CCSER1: variants seen among roughly 807,000 people sequenced by gnomAD.
The protein encoded by CCSER1 is coiled-coil serine rich protein 1.
CCSER1 carries 41 observed loss-of-function variants against 82.0 expected under a neutral mutation model. The observed-to-expected ratio is 0.50, with a 90% CI of 0.39 to 0.65. The LOEUF (loss-of-function observed/expected upper bound fraction) is 0.65, where lower values mean the gene tolerates loss of function less well. Ranked by LOEUF, CCSER1 falls within the 30% of genes least tolerant of loss-of-function variation. The pLI is 0.00. For synonymous variants in CCSER1, 414 were observed against 383.9 expected (o/e 1.08, Z -0.92); for missense variants, 1,119 against 1,064.2 (o/e 1.05, Z -0.72).
chr4:90,890,990 A>G (rs182167395), intron 8 of CCSER1, among the ~76,000 whole-genome samples: 15 of 152,264 alleles, frequency 9.9e-5, no homozygotes, highest in African/African-American at 3.6e-4. Context: ...AAGAGACTAT[A>G]GTTACATTAC....
chr4:90,412,526 C>CAA (rs33926523), intron 4 of CCSER1, among the ~76,000 whole-genome samples: 7 of 138,564 alleles, frequency 5.1e-5, no homozygotes, highest in African/African-American at 1.5e-4. Context: ...ATATAAACAT[C>CAA]AAAAAAAAAA....
At chr4:91,572,707 A>G (rs978345069) in intron 10 of CCSER1, among the ~76,000 whole-genome samples, 3 of 151,876 alleles carry the variant, frequency 2.0e-5, no homozygotes, top group Non-Finnish European at 4.4e-5. Context: ...TATATCTGTA[A>G]TCCCAGCATC....
chr4:91,249,169 A>G (rs946075864), intron 10 of CCSER1, among the ~76,000 whole-genome samples: 10 of 152,152 alleles, frequency 6.6e-5, no homozygotes, highest in Non-Finnish European at 1.2e-4. Flanking sequence ...TTCGGGGTGT[A>G]GTTTTATATT....
intron 5 of CCSER1, among the ~76,000 whole-genome samples, chr4:90,593,325 T>C (rs1393214192): frequency 6.6e-6 from 1 of 152,044 alleles, no homozygotes; most frequent in Non-Finnish European, 1.5e-5. Context: ...TCTTGACGTC[T>C]TGAACAAAGA....
At chr4:91,556,026 A>G (rs1350634713) in intron 10 of CCSER1, among the ~76,000 whole-genome samples, 2 of 151,368 alleles carry the variant, frequency 1.3e-5, no homozygotes, top group African/African-American at 4.8e-5. Flanking sequence ...ATGATGATAA[A>G]TACTGGTAAA....
rs530533355 is a variant in CCSER1, at chr4:90,912,959, A to T, written c.2095-10411A>T. 3.3e-5 allele frequency among the ~76,000 whole-genome samples: 5 copies of T among 152,314 alleles called. No homozygotes were observed. The South Asian group carries it at 1.0e-3, about 32-fold the overall frequency. ...GAGAAAAAGGAATGAAAAGAAACGA[A>T]CAAAGCCTCCAAGAAATATGGGACT... On this transcript the variant is annotated intron_variant, in intron 8 of 10. Transcript: ENST00000509176.
chr4:90,562,561 A>C (rs1253073730), intron 5 of CCSER1, among the ~76,000 whole-genome samples: 1 of 152,064 alleles, frequency 6.6e-6, no homozygotes, highest in Non-Finnish European at 1.5e-5. Flanking sequence ...TATTTGTGAC[A>C]GAGTCTCACT....
At chr4:90,257,626 A>G (rs1723576857) in intron 1 of CCSER1, among the ~76,000 whole-genome samples, 1 of 152,182 alleles carries the variant, frequency 6.6e-6, no homozygotes, top group Non-Finnish European at 1.5e-5. Flanking sequence ...TAACATAAAC[A>G]TGTAAATACT....
intron 1 of CCSER1, among the ~76,000 whole-genome samples, chr4:90,255,543 G>A (rs749021386): frequency 6.6e-6 from 1 of 152,002 alleles, no homozygotes; most frequent in Non-Finnish European, 1.5e-5. Flanking sequence ...GTTTGACAAT[G>A]GTAAATGAAA....
At chr4:90,305,192 A>C (rs1031750320) in intron 1 of CCSER1, among the ~76,000 whole-genome samples, 1 of 152,204 alleles carries the variant, frequency 6.6e-6, no homozygotes, top group African/African-American at 2.4e-5. Context: ...CTGGGATTAC[A>C]GGCGTGAGCC....
chr4:91,557,723 C>G (rs761934857), intron 10 of CCSER1, among the ~76,000 whole-genome samples: 109 of 151,082 alleles, frequency 7.2e-4, no homozygotes, highest in Admixed American at 2.3e-3. Context: ...TTTACAGGAG[C>G]CCAGAGTGAA....
chr4:91,276,961 A>G (rs1422478929), intron 10 of CCSER1, among the ~76,000 whole-genome samples: 1 of 152,046 alleles, frequency 6.6e-6, no homozygotes, highest in Non-Finnish European at 1.5e-5. Flanking sequence ...ACATTTATTG[A>G]TTTGCATAGG....
chr4:90,289,109 G>T (rs1198479252), intron 1 of CCSER1, among the ~76,000 whole-genome samples: 1 of 151,918 alleles, frequency 6.6e-6, no homozygotes, highest in East Asian at 1.9e-4. Flanking sequence ...TTTACTTGAT[G>T]CTTTCTTCTG....
chr4:91,496,253 T>C (rs1758799005), intron 10 of CCSER1, among the ~76,000 whole-genome samples: 1 of 151,196 alleles, frequency 6.6e-6, no homozygotes. Context: ...ATATGAGGCT[T>C]TGGTTGGTCA....
intron 10 of CCSER1, among the ~76,000 whole-genome samples, chr4:91,233,372 A>T (rs916193578): frequency 6.6e-6 from 1 of 151,958 alleles, no homozygotes; most frequent in African/African-American, 2.4e-5. Context: ...TAATTTGCAG[A>T]TACGTACCTT....
At chr4:91,546,967 GTTTTC>G (rs1308040183) in intron 10 of CCSER1, among the ~76,000 whole-genome samples, 9 of 107,486 alleles carry the variant, frequency 8.4e-5, no homozygotes, top group Admixed American at 2.0e-4. Context: ...TTTCTCTTGA[GTTTTC>G]TTTTTTTTTT....
At chr4:91,417,785 G>A (rs375560629) in intron 10 of CCSER1, among the ~76,000 whole-genome samples, 6 of 151,760 alleles carry the variant, frequency 4.0e-5, no homozygotes, top group African/African-American at 7.3e-5. Context: ...GCAGACCACC[G>A]TGACACATGT....
intron 6 of CCSER1, among the ~76,000 whole-genome samples, chr4:90,706,532 G>A (rs1300968307): frequency 1.3e-5 from 2 of 152,094 alleles, no homozygotes; most frequent in East Asian, 1.9e-4. Context: ...AGAGATTTTT[G>A]CAAAATAGGA....
At chr4:91,451,638 A>G (rs968592383) in intron 10 of CCSER1, among the ~76,000 whole-genome samples, 6 of 151,986 alleles carry the variant, frequency 3.9e-5, no homozygotes, top group Admixed American at 1.3e-4. Flanking sequence ...AAAAAGAAGG[A>G]GGAAATCATG....
Sources: allele counts gnomAD v4.1 joint callset (sites outside exome capture counted in the v4.1 genomes callset), GRCh38; gene constraint gnomAD v4.1.1; transcripts MANE v1.5; gene names NCBI Gene and HGNC (gene_info 2026-07-23, HGNC 2026-07-21).